TG: variants seen among roughly 807,000 people sequenced by gnomAD.
TG encodes thyroglobulin, also known as thyroid hormones.
A neutral mutation model predicts 324.7 loss-of-function variants in TG; 270 were observed. That is an observed-to-expected ratio of 0.83 (90% CI 0.75 to 0.92). The LOEUF (loss-of-function observed/expected upper bound fraction) is 0.92, where lower values mean the gene tolerates loss of function less well. TG is among the 40% of genes least tolerant of loss of function. The pLI is 0.00. For missense variants in TG, 3,591 were observed against 3,456.4 expected (o/e 1.04, Z -0.98); for synonymous variants, 1,401 against 1,327.0 (o/e 1.06, Z -1.21).
chr8:132,885,234 G>T (rs1245503349), intron 8 of TG, among the ~76,000 whole-genome samples: 1 of 151,974 alleles, frequency 6.6e-6, no homozygotes, highest in Admixed American at 6.6e-5. Flanking sequence ...CTTGGTGTTT[G>T]AATTTTACAT....
chr8:132,897,530 A>G, intron 11 of TG, 119 bp from the exon 12 acceptor site: 1 of 1,384,888 alleles, frequency 7.2e-7, no homozygotes. Flanking sequence ...AATGTTTGTC[A>G]AATAAATAAA....
chr8:133,108,899 G>C (rs557674285), intron 43 of TG, among the ~76,000 whole-genome samples: 1 of 152,338 alleles, frequency 6.6e-6, no homozygotes, highest in African/African-American at 2.4e-5. Context: ...CCCGGGACAG[G>C]TTAATAATCA....
At chr8:133,094,845 A>T (rs1848168419) in intron 41 of TG, 199 bp from the exon 42 acceptor site, 1 of 697,236 alleles carries the variant, frequency 1.4e-6, no homozygotes, top group Admixed American at 2.1e-5. Flanking sequence ...GCCTAGAGAG[A>T]CATCTTCAGT....
Position 132,957,764 on chromosome 8 carries a change from C to CACAG in TG, c.5402-3241_5402-3240insGACA, listed in dbSNP as rs1554680139. Among the ~76,000 whole-genome samples, 11 of 135,296 alleles carry CACAG rather than the reference C, an allele frequency of 8.1e-5. 1 individual carries two copies. Among genetic ancestry groups the CACAG allele is most frequent in the African/African-American group, 3.4e-4 (11 of 31,886 alleles). The allele number at this position is 135,296 out of a possible 152,430, so 88.8% of individuals were successfully genotyped here. On this transcript the variant is annotated intron_variant, in intron 27 of 47. Transcript: ENST00000220616. ...AACTACACACACACACACACACACACACACACACACACACACACACGTATG... is the reference window on the plus strand; with the variant it reads ...AACTACACACACACACACACACACACACAGACACACACACACACACACACGTATG...
chr8:132,991,114 A>G (rs1318663118), intron 35 of TG, among the ~76,000 whole-genome samples: 1 of 151,488 alleles, frequency 6.6e-6, no homozygotes, highest in African/African-American at 2.4e-5. Context: ...ACTCATTACC[A>G]TGAGCTGCCC....
rs138468107 is a variant in TG, at chr8:132,965,275, C to T, written c.5549-1285C>T. ...ATGCAGGCTGGGATGGTGACATGGT[C>T]TCTGGTGTCTCTGCCAGCACTAAAC... On this transcript the variant is annotated intron_variant, in intron 29 of 47. Coordinates refer to ENST00000220616, the MANE Select transcript of TG (RefSeq NM_003235.5). Among the ~76,000 whole-genome samples the T allele has an allele frequency of 8.5e-5, 13 of 152,332 alleles. No individual in the cohort carries two copies. The East Asian group carries it at 1.9e-3, about 23-fold the overall frequency.
At position 132,983,357 on chromosome 8, in the gene TG, A is replaced by T; in HGVS notation, c.6207A>T (p.Gln2069His). The change falls in exon 35 of 48, where the codon CAA becomes CAT. Residue 2069 changes from glutamine (Q) to histidine (H), a missense_variant. By Grantham distance (24) the Gln-to-His change is conservative. Transcript: ENST00000220616. ...CTGCTTTTTCCTTTTCAGTTGCTCAAAATAATGCTCCCAGTTTTTGCCCTT... is the reference window on the plus strand; with the variant it reads ...CTGCTTTTTCCTTTTCAGTTGCTCATAATAATGCTCCCAGTTTTTGCCCTT... The part of the protein sequence containing the change: ...PFGWYQKPIA[Q>H]NNAPSFCPLV... The T allele has an allele frequency of 6.2e-7, 1 of 1,614,138 alleles. No individual in the cohort carries two copies. Among genetic ancestry groups the T allele is most frequent in the Non-Finnish European group, 8.5e-7 (1 of 1,179,996 alleles).
intron 45 of TG, among the ~76,000 whole-genome samples, chr8:133,121,232 C>T (rs1219429447): frequency 6.6e-6 from 1 of 152,124 alleles, no homozygotes; most frequent in Non-Finnish European, 1.5e-5. Context: ...CTATGGGGCT[C>T]AGTTTTGCCA....
chr8:132,871,652 A>G, intron 4 of TG, 101 bp downstream of exon 4: 1 of 1,162,220 alleles, frequency 8.6e-7, no homozygotes, highest in Non-Finnish European at 1.2e-6. Flanking sequence ...AAGTGGGCAG[A>G]GAACCAGGCC....
chr8:133,133,990 C>T (rs1347830636), intron 47 of TG, among the ~76,000 whole-genome samples: 1 of 152,238 alleles, frequency 6.6e-6, no homozygotes, highest in Non-Finnish European at 1.5e-5. Context: ...AAGGGAGTGT[C>T]TTGAACCTCA....
At chr8:132,906,129 A>T (rs945463321) in intron 16 of TG, among the ~76,000 whole-genome samples, 1 of 152,154 alleles carries the variant, frequency 6.6e-6, no homozygotes, top group African/African-American at 2.4e-5. Flanking sequence ...CCTGGCAAAG[A>T]GCATTTGCTG....
chr8:132,930,150 G>A (rs930625011), intron 23 of TG, among the ~76,000 whole-genome samples: 2 of 152,194 alleles, frequency 1.3e-5, no homozygotes, highest in African/African-American at 2.4e-5. Flanking sequence ...GTTATGGTGA[G>A]CACACTATAG....
intron 43 of TG, among the ~76,000 whole-genome samples, chr8:133,109,572 G>A (rs74831469): frequency 3.9e-5 from 6 of 152,278 alleles, no homozygotes; most frequent in South Asian, 2.1e-4. Context: ...GGTGGCAAGG[G>A]CAAAGCACAG....
In TG at chr8:133,012,008, T is replaced by C. The variant is rs1383018981; in HGVS notation, c.6370T>C (p.Ser2124Pro). The C allele has an allele frequency of 1.4e-5, 22 of 1,614,206 alleles. No homozygotes were observed. Among genetic ancestry groups the C allele is most frequent in the Non-Finnish European group, 1.8e-5 (21 of 1,180,028 alleles). The change falls in exon 36 of 48, where the codon TCT becomes CCT. Residue 2124 changes from serine (S) to proline (P), a missense_variant. By Grantham distance (74) the Ser-to-Pro change is moderately conservative. Transcript: ENST00000220616. ...CAGCACTGCTGCCACCAGCAATTTC[T>C]CTGCTGTCCGAGACCTCTGTTTGTC... ...HVSTAATSNF[S>P]AVRDLCLSEC...
At chr8:132,935,895 C>T (rs369702130) in intron 25 of TG, 31 bp downstream of exon 25, 69 of 1,569,126 alleles carry the variant, frequency 4.4e-5, no homozygotes, top group Admixed American at 4.2e-4. Flanking sequence ...GGCTTAGGCC[C>T]GCGGTGGCTT....
In TG at chr8:133,131,575, C is replaced by T. The variant is rs142531857; in HGVS notation, c.7863-237C>T. 2.0e-5 allele frequency among the ~76,000 whole-genome samples: 3 copies of T among 152,290 alleles called. No homozygotes were observed. In the South Asian group the frequency reaches 6.2e-4, roughly 32 times the overall value. ...ATTATTTCCAGAGACTTCAGTGTTC[C>T]GTGTTGGTCTCACTTTAGCAACAGA... On this transcript the variant is annotated intron_variant, in intron 45 of 47. Coordinates refer to ENST00000220616, the MANE Select transcript of TG (RefSeq NM_003235.5).
Position 132,929,081 on chromosome 8 carries a change from C to T in TG, c.4705C>T (p.Gln1569Ter). ...TAAATCTGCTTTATTTTTAGTGATG[C>T]AGAAGTTTGAGAAGGTTCCAGAATC... is the stretch of plus-strand genomic sequence containing the variant. The part of the protein sequence containing the change: ...PLEDSQCLMM[Q>*]KFEKVPESKV... The change falls in exon 23 of 48, where the codon CAG (glutamine) becomes TAG (stop). Residue 1569 changes from glutamine (Q) to a stop codon, truncating the protein, a stop_gained. Transcript: ENST00000220616. LOFTEE classifies it high-confidence loss of function. 1.2e-6 allele frequency: 2 copies of T among 1,613,566 alleles called. No homozygotes were observed. Among genetic ancestry groups the T allele is most frequent in the Non-Finnish European group, 1.7e-6 (2 of 1,179,794 alleles).
In TG at chr8:132,967,395, AGGC is replaced by A. The variant is rs1352800962; in HGVS notation, c.5687-398_5687-396del. ...GGGAGCTCATATATACCAGGGGCAC[AGGC>A]TGACTTGGGCACAGGTGCAGGGAGA... On this transcript the variant is annotated intron_variant, in intron 30 of 47. Transcript: ENST00000220616. 3.9e-5 allele frequency among the ~76,000 whole-genome samples: 6 copies of A among 152,230 alleles called. No homozygotes were observed. In the East Asian group the frequency reaches 1.2e-3, roughly 29 times the overall value.
At chr8:133,096,169 A>T (rs1230742781) in intron 42 of TG, 37 bp from the exon 43 acceptor site, 1 of 1,612,744 alleles carries the variant, frequency 6.2e-7, no homozygotes, top group South Asian at 1.1e-5. Context: ...GCAACTGATT[A>T]TTCCAGGACA....
Sources: allele counts gnomAD v4.1 joint callset (sites outside exome capture counted in the v4.1 genomes callset), GRCh38; gene constraint gnomAD v4.1.1; transcripts MANE v1.5; gene names NCBI Gene and HGNC (gene_info 2026-07-23, HGNC 2026-07-21).